ATP8A2: variants seen among roughly 807,000 people sequenced by gnomAD.
ATP8A2 encodes the protein phospholipid-transporting ATPase IB.
In ATP8A2, 100 loss-of-function variants were observed where a neutral mutation model predicts 165.6. The ratio of observed to expected loss-of-function variants is 0.60; its 90% CI spans 0.51 to 0.71. ATP8A2 has a LOEUF of 0.71. Among genes scored for constraint, ATP8A2 ranks in the 30% least tolerant of loss-of-function variants. The pLI is 0.00. For missense variants in ATP8A2, 1,227 were observed against 1,479.5 expected, an observed-to-expected ratio of 0.83 and a Z score of 2.80; for synonymous variants, 543 against 548.8, an observed-to-expected ratio of 0.99 and a Z score of 0.15.
intron 33 of ATP8A2, among the ~76,000 whole-genome samples, chr13:25,952,826 A>G (rs1593616380): frequency 1.3e-5 from 2 of 152,222 alleles, no homozygotes; most frequent in African/African-American, 4.8e-5. Context: ...TCAGCGCCAC[A>G]CAGCCACCCT....
At chr13:25,389,915 A>G (rs9581331) in intron 1 of ATP8A2, among the ~76,000 whole-genome samples, 5 of 152,252 alleles carry the variant, frequency 3.3e-5, no homozygotes, top group African/African-American at 1.2e-4. Context: ...ATAAATGAAC[A>G]CTTGAAGCAA....
chr13:25,594,133 A>C (rs2040169031), intron 24 of ATP8A2, among the ~76,000 whole-genome samples: 1 of 152,252 alleles, frequency 6.6e-6, no homozygotes, highest in Non-Finnish European at 1.5e-5. Context: ...AAAAACTAAG[A>C]ATCTTGAGTA....
At chr13:25,437,063 C>T (rs2034800697) in intron 1 of ATP8A2, among the ~76,000 whole-genome samples, 1 of 152,166 alleles carries the variant, frequency 6.6e-6, no homozygotes, top group African/African-American at 2.4e-5. Flanking sequence ...AGGAGTGAGC[C>T]ACCGTGCCCA....
intron 33 of ATP8A2, among the ~76,000 whole-genome samples, chr13:25,870,678 C>T (rs891700018): frequency 1.9e-4 from 29 of 152,228 alleles, no homozygotes; most frequent in African/African-American, 5.8e-4. Flanking sequence ...CTTCTGGAGT[C>T]GGTTGGACTC....
In ATP8A2 at chr13:25,934,688, G is replaced by A. The variant is rs114920860; in HGVS notation, c.3184-26887G>A. 5.6e-3 allele frequency among the ~76,000 whole-genome samples: 850 copies of A among 152,268 alleles called. 8 individuals carry two copies. Among genetic ancestry groups the A allele is most frequent in the African/African-American group, 0.02 (826 of 41,538 alleles). ...AACTGTTACCATCATAGAGGAACAC[G>A]GGAGGGAGCAGACCATTCTACCTGG... On this transcript the variant is annotated intron_variant, in intron 33 of 36. Coordinates refer to ENST00000381655, the MANE Select transcript of ATP8A2 (RefSeq NM_016529.6).
Position 25,574,876 on chromosome 13 carries a change from C to T in ATP8A2, c.1712+19C>T, listed in dbSNP as rs756348057. 4.4e-6 allele frequency: 6 copies of T among 1,363,220 alleles called. No individual in the cohort carries two copies. The highest frequency in any genetic ancestry group is 1.4e-5 in the African/African-American group (1 of 69,126). The allele number at this position is 1,363,220 out of a possible 1,614,324, so 84.4% of individuals were successfully genotyped here. A position where few individuals can be genotyped will look rare whatever the true frequency, so the allele number is the denominator to read the frequency against. ...TTTCTAGGTATGTTTCTCTTTCATA[C>T]GTTTGAAATAAAATAATTATATTTA... On this transcript the variant is annotated intron_variant, in intron 19 of 36. Coordinates refer to ENST00000381655, the MANE Select transcript of ATP8A2 (RefSeq NM_016529.6).
chr13:25,509,261 GC>G (rs2037143860), intron 2 of ATP8A2, among the ~76,000 whole-genome samples: 1 of 152,146 alleles, frequency 6.6e-6, no homozygotes, highest in Admixed American at 6.6e-5. Context: ...AAATTTCATG[GC>G]AATCCCTCTA....
At chr13:25,435,064 G>T (rs574758847) in intron 1 of ATP8A2, among the ~76,000 whole-genome samples, 94 of 152,010 alleles carry the variant, frequency 6.2e-4, no homozygotes, top group African/African-American at 2.1e-3. Flanking sequence ...ATCTGCTGGA[G>T]ACTGATAGAA....
chr13:25,589,459 T>C (rs1174104346), intron 23 of ATP8A2, among the ~76,000 whole-genome samples, 176 bp from the exon 24 acceptor site: 1 of 152,222 alleles, frequency 6.6e-6, no homozygotes, highest in Non-Finnish European at 1.5e-5. Flanking sequence ...TCCCAACTAG[T>C]TCTATTCAAT....
intron 2 of ATP8A2, among the ~76,000 whole-genome samples, chr13:25,520,945 G>A (rs535973920): frequency 1.3e-5 from 2 of 152,098 alleles, no homozygotes; most frequent in Non-Finnish European, 2.9e-5. Flanking sequence ...CCTCCATGCT[G>A]TTTTCTATAC....
chr13:25,718,191 G>A (rs1313809620), intron 25 of ATP8A2, among the ~76,000 whole-genome samples: 1 of 149,520 alleles, frequency 6.7e-6, no homozygotes, highest in Non-Finnish European at 1.5e-5. Flanking sequence ...GGAAAATTAG[G>A]TTAAGATCAA....
chr13:25,617,426 G>A (rs548327265), intron 24 of ATP8A2, among the ~76,000 whole-genome samples: 7 of 152,228 alleles, frequency 4.6e-5, no homozygotes, highest in South Asian at 2.1e-4. Flanking sequence ...TTGTCATTTC[G>A]TTGAATCCAT....
chr13:25,512,552 C>A (rs2037271556), intron 2 of ATP8A2, among the ~76,000 whole-genome samples: 1 of 148,186 alleles, frequency 6.7e-6, no homozygotes, highest in Non-Finnish European at 1.5e-5. Flanking sequence ...GCTGGCCGGG[C>A]AGAGGGGCTC....
chr13:25,790,925 T>C (rs1268013078), intron 27 of ATP8A2, among the ~76,000 whole-genome samples: 1 of 152,140 alleles, frequency 6.6e-6, no homozygotes, highest in African/African-American at 2.4e-5. Flanking sequence ...GCTTATACAC[T>C]GTTGGTGGGA....
intron 25 of ATP8A2, among the ~76,000 whole-genome samples, chr13:25,744,345 G>A (rs906157518): frequency 4.6e-5 from 7 of 150,830 alleles, no homozygotes; most frequent in Non-Finnish European, 1.0e-4. Flanking sequence ...GTGTATGTGC[G>A]CCCTTCTCTG....
intron 27 of ATP8A2, among the ~76,000 whole-genome samples, chr13:25,802,572 G>T (rs536301937): frequency 1.3e-5 from 2 of 152,312 alleles, no homozygotes; most frequent in African/African-American, 4.8e-5. Context: ...GGCAGTCTGT[G>T]AGGCAGTAGG....
At position 25,444,685 on chromosome 13, in the gene ATP8A2, G is replaced by A. The variant is rs182270619; in HGVS notation, c.77-24292G>A. On this transcript the variant is annotated intron_variant, in intron 1 of 36. Coordinates refer to ENST00000381655, the MANE Select transcript of ATP8A2 (RefSeq NM_016529.6). ...TTTTGAGACAGAGTCTCACTGTGTC[G>A]CCCAGGCTGGAGTGCAATGGTGTGA... is the stretch of plus-strand genomic sequence containing the variant. Among the ~76,000 whole-genome samples, 56 of 150,382 alleles carry A rather than the reference G, an allele frequency of 3.7e-4. No individual in the cohort carries two copies. The East Asian group carries it at 9.0e-3, about 24-fold the overall frequency.
At chr13:25,802,677 T>C (rs1380828304) in intron 27 of ATP8A2, among the ~76,000 whole-genome samples, 1 of 152,168 alleles carries the variant, frequency 6.6e-6, no homozygotes, top group Non-Finnish European at 1.5e-5. Flanking sequence ...AATTTAGCAA[T>C]AGATAAGTCT....
chr13:25,625,631 C>T (rs2041081535), intron 24 of ATP8A2, among the ~76,000 whole-genome samples: 1 of 152,198 alleles, frequency 6.6e-6, no homozygotes, highest in African/African-American at 2.4e-5. Flanking sequence ...AGGGTTGTTG[C>T]TTTTTCTCAA....
Sources: gnomAD v4.1 joint callset for allele counts (sites outside exome capture counted in the v4.1 genomes callset) on GRCh38, gnomAD v4.1.1 for gene constraint, MANE v1.5 for transcripts, NCBI Gene and HGNC (gene_info 2026-07-23, HGNC 2026-07-21) for gene names.